Variants in PATJ observed in about 807,000 individuals in gnomAD.
The protein encoded by PATJ is PATJ crumbs cell polarity complex component, also known as inaD-like protein.
In PATJ, 190 loss-of-function variants were observed where a neutral mutation model predicts 224.9. That is an observed-to-expected ratio of 0.84 (90% CI 0.75 to 0.95). PATJ has a LOEUF of 0.95. PATJ is among the 40% of genes least tolerant of loss of function. The pLI, the probability that PATJ is intolerant of heterozygous loss-of-function variation, is 0.00. For missense variants in PATJ, 2,121 were observed against 2,270.3 expected, an observed-to-expected ratio of 0.93 and a Z score of 1.34; for synonymous variants, 769 against 820.3, an observed-to-expected ratio of 0.94 and a Z score of 1.07.
At chr1:61,921,221 C>T (rs951057877) in intron 26 of PATJ, among the ~76,000 whole-genome samples, 8 of 152,032 alleles carry the variant, frequency 5.3e-5, no homozygotes, top group Admixed American at 6.6e-5. Context: ...ACATGGGGGC[C>T]AGTCAAGACA....
chr1:61,796,028 CT>C (rs1651018384), intron 10 of PATJ, among the ~76,000 whole-genome samples: 1 of 152,146 alleles, frequency 6.6e-6, no homozygotes, highest in African/African-American at 2.4e-5. Flanking sequence ...TAAAACTGGT[CT>C]TTCCCCCATT....
At chr1:62,046,956 G>A (rs969774886) in intron 30 of PATJ, among the ~76,000 whole-genome samples, 5 of 152,222 alleles carry the variant, frequency 3.3e-5, no homozygotes, top group South Asian at 2.1e-4. Context: ...ACAGGTTGAC[G>A]CATCCCTTAA....
intron 17 of PATJ, among the ~76,000 whole-genome samples, chr1:61,850,903 CTGT>C (rs1406560008): frequency 2.6e-5 from 4 of 152,206 alleles, no homozygotes; most frequent in Non-Finnish European, 5.9e-5. Flanking sequence ...GTGTTACCAG[CTGT>C]TGTTGTTATT....
rs779305398 is a variant in PATJ at position 62,125,254 on chromosome 1, CAA to C, written c.5043+2204_5043+2205del. Among the ~76,000 whole-genome samples the C allele has an allele frequency of 6.4e-3, 455 of 71,426 alleles. 4 individuals carry two copies. Among genetic ancestry groups the C allele is most frequent in the Admixed American group, 9.3e-3 (49 of 5,280 alleles). The allele number at this position is 71,426 out of a possible 152,430, so 46.9% of individuals were successfully genotyped here. A position where few individuals can be genotyped will look rare whatever the true frequency, so the allele number is the denominator to read the frequency against. On this transcript the variant is annotated intron_variant, in intron 39 of 43. Transcript: ENST00000642238. ...CCTGTCTCAAAAAAAAAAAAAAAAA[CAA>C]AAAAAAACAAAAAAAAAACGCCATT...
chr1:62,154,675 G>A (rs181960403), intron 43 of PATJ, among the ~76,000 whole-genome samples: 31 of 151,258 alleles, frequency 2.0e-4, no homozygotes, highest in Admixed American at 1.7e-3. Flanking sequence ...AAAAGAGAGA[G>A]AGAGAGATAA....
chr1:62,062,797 A>C (rs1272960736), intron 31 of PATJ, among the ~76,000 whole-genome samples: 1 of 152,032 alleles, frequency 6.6e-6, no homozygotes, highest in Non-Finnish European at 1.5e-5. Flanking sequence ...GTCCAGGTGT[A>C]TGTCTTCTTT....
chr1:61,943,985 A>G (rs957021180), intron 27 of PATJ, among the ~76,000 whole-genome samples: 3 of 152,328 alleles, frequency 2.0e-5, no homozygotes, highest in Non-Finnish European at 2.9e-5. Context: ...AGCAAACTCC[A>G]ACAGACCTGC....
chr1:62,003,273 C>T (rs1157093117), intron 28 of PATJ, among the ~76,000 whole-genome samples: 1 of 152,160 alleles, frequency 6.6e-6, no homozygotes. Flanking sequence ...AACACAGAAA[C>T]ATATTTCTCT....
At chr1:61,875,155 CTA>C in intron 20 of PATJ, 86 bp from the exon 21 acceptor site, 1 of 782,350 alleles carries the variant, frequency 1.3e-6, no homozygotes, top group Non-Finnish European at 2.0e-6. Flanking sequence ...CAGTTTTCCA[CTA>C]TCATTATTAC....
intron 14 of PATJ, among the ~76,000 whole-genome samples, chr1:61,812,433 A>AGAGAGAGAGTGTGTGTGTGT (rs1397549346): frequency 4.7e-5 from 4 of 85,144 alleles, no homozygotes; most frequent in Admixed American, 1.2e-4. Flanking sequence ...AGAGAGAGAG[A>AGAGAGAGAGTGTGTGTGTGT]GTGTGTGTGT....
intron 27 of PATJ, among the ~76,000 whole-genome samples, chr1:61,966,389 A>G (rs1482384471): frequency 1.3e-5 from 2 of 152,090 alleles, no homozygotes; most frequent in East Asian, 3.9e-4. Flanking sequence ...CATAGAGTAA[A>G]GTGAAAGCAA....
At chr1:62,054,097 A>G (rs1193365372) in intron 31 of PATJ, among the ~76,000 whole-genome samples, 2 of 152,170 alleles carry the variant, frequency 1.3e-5, no homozygotes, top group Non-Finnish European at 2.9e-5. Flanking sequence ...AACCTAACAT[A>G]TACATAAATG....
rs141290600 is a variant in PATJ, at chr1:62,015,312, A to G, written c.3868-2544A>G. On this transcript the variant is annotated intron_variant, in intron 28 of 43. Transcript: ENST00000642238. ...GAGCAAGACTCTGTCTCAAAAAAAA[A>G]AAGAAAGAAACGTAATAGCAAAGAT... is the stretch of plus-strand genomic sequence containing the variant. Among the ~76,000 whole-genome samples, 461 of 152,258 alleles carry G rather than the reference A, an allele frequency of 3.0e-3. 1 individual carries two copies. The highest frequency in any genetic ancestry group is 0.011 in the African/African-American group (440 of 41,576).
At position 61,791,419 on chromosome 1, in the gene PATJ, T is replaced by C. The variant is rs369078092; in HGVS notation, c.1140T>C (p.Ile380=). 4.4e-6 allele frequency: 7 copies of C among 1,603,948 alleles called. No homozygotes were observed. In the African/African-American group the frequency reaches 8.0e-5, roughly 18 times the overall value. ...RKDGQSLGIR[I]VGYVGTSHTG... is the part of the protein sequence containing the mutation. ...ATGGGCAGAGTCTTGGAATTAGAAT[T>C]GTTGGCTATGTTGGAACATCTCATA... The change falls in exon 9 of 44, where the codon ATT becomes ATC. Residue 380 remains isoleucine, a synonymous_variant. Coordinates refer to ENST00000642238, the MANE Select transcript of PATJ (RefSeq NM_001350145.3).
chr1:62,140,662 A>C (rs1363848795), intron 41 of PATJ, among the ~76,000 whole-genome samples: 1 of 152,022 alleles, frequency 6.6e-6, no homozygotes, highest in African/African-American at 2.4e-5. Flanking sequence ...CAAAAAAAAA[A>C]ATTGATTTTT....
intron 5 of PATJ, among the ~76,000 whole-genome samples, chr1:61,770,070 A>G (rs1402599861): frequency 2.0e-5 from 3 of 152,138 alleles, no homozygotes; most frequent in Non-Finnish European, 2.9e-5. Flanking sequence ...ACGTGTTAGA[A>G]TAATAGCAAC....
At chr1:62,139,543 C>A (rs1254472975) in intron 41 of PATJ, among the ~76,000 whole-genome samples, 1 of 151,922 alleles carries the variant, frequency 6.6e-6, no homozygotes, top group East Asian at 1.9e-4. Context: ...TCTTCAGTGG[C>A]GGGGCTGAGC....
intron 31 of PATJ, among the ~76,000 whole-genome samples, chr1:62,072,264 C>T (rs1240426174): frequency 6.6e-6 from 1 of 152,108 alleles, no homozygotes; most frequent in Non-Finnish European, 1.5e-5. Context: ...ACCTTTATCC[C>T]CCAGTATTTT....
At chr1:62,123,867 T>C (rs1030495087) in intron 39 of PATJ, among the ~76,000 whole-genome samples, 1 of 151,846 alleles carries the variant, frequency 6.6e-6, no homozygotes, top group African/African-American at 2.4e-5. Context: ...AAAACATCTT[T>C]ATATTTTTGC....
Sources: allele counts gnomAD v4.1 joint callset (sites outside exome capture counted in the v4.1 genomes callset), GRCh38; gene constraint gnomAD v4.1.1; transcripts MANE v1.5; gene names NCBI Gene and HGNC (gene_info 2026-07-23, HGNC 2026-07-21).